Variants in PIBF1 observed in about 807,000 individuals in gnomAD.
PIBF1 encodes the protein progesterone-induced-blocking factor 1.
Under a neutral mutation model 112.5 loss-of-function variants are expected in PIBF1, and 90 were observed. The observed-to-expected ratio is 0.80, with a 90% CI of 0.67 to 0.95. The LOEUF is 0.95. PIBF1 is among the 40% of genes least tolerant of loss of function. The pLI, the probability that PIBF1 is intolerant of heterozygous loss-of-function variation, is 0.00. For missense variants in PIBF1, 915 were observed against 852.3 expected, an observed-to-expected ratio of 1.07 and a Z score of -0.92; for synonymous variants, 301 against 288.6, an observed-to-expected ratio of 1.04 and a Z score of -0.44.
chr13:72,824,113 A>G (rs1180466410), intron 6 of PIBF1, among the ~76,000 whole-genome samples: 1 of 152,090 alleles, frequency 6.6e-6, no homozygotes, highest in Admixed American at 6.6e-5. Flanking sequence ...TCCCAGGTTC[A>G]AACAATTCTC....
intron 5 of PIBF1, among the ~76,000 whole-genome samples, chr13:72,805,002 A>G (rs1037755931): frequency 8.5e-5 from 13 of 152,072 alleles, no homozygotes; most frequent in Admixed American, 7.2e-4. Context: ...AGCCAGAGTC[A>G]CACTCTTGTC....
Position 72,821,275 on chromosome 13 carries a change from A to G in PIBF1, c.673-574A>G, listed in dbSNP as rs140733665. Reference sequence around the variant, plus strand: ...GGTTTTTACTTCCATTGCTCTTCCCATATCAGCAATGCCTTTCTTAACATG... The same window carrying G: ...GGTTTTTACTTCCATTGCTCTTCCCGTATCAGCAATGCCTTTCTTAACATG... On this transcript the variant is annotated intron_variant, in intron 5 of 17. Coordinates refer to ENST00000326291, the MANE Select transcript of PIBF1 (RefSeq NM_006346.4). 1.4e-4 allele frequency among the ~76,000 whole-genome samples: 21 copies of G among 152,316 alleles called. No homozygotes were observed. In the East Asian group the frequency reaches 3.9e-3, roughly 28 times the overall value.
chr13:72,996,268 T>TAAA (rs374718365), intron 16 of PIBF1, among the ~76,000 whole-genome samples: 39 of 130,846 alleles, frequency 3.0e-4, no homozygotes, highest in African/African-American at 9.5e-4. Flanking sequence ...TTCAATATAT[T>TAAA]AAAAAAAAAA....
intron 2 of PIBF1, among the ~76,000 whole-genome samples, 183 bp downstream of exon 2, chr13:72,783,904 C>A (rs1566262892): frequency 6.6e-6 from 1 of 151,436 alleles, no homozygotes; most frequent in East Asian, 1.9e-4. Flanking sequence ...TTACCAAGGG[C>A]TGGCATGGTT....
rs41286070 is a variant in PIBF1 at position 72,998,910 on chromosome 13, A to C, written c.2138A>C (p.His713Pro). 6,692 of 1,611,918 alleles carry C rather than the reference A, an allele frequency of 4.2e-3. 12 individuals carry two copies. Among genetic ancestry groups the C allele is most frequent in the Non-Finnish European group, 5.2e-3 (6,158 of 1,178,278 alleles). Residue 713 changes from histidine to proline, a missense_variant, in exon 17 of 18, where the codon CAT becomes CCT. Physicochemically the swap from His to Pro is moderately conservative, Grantham distance 77. Coordinates refer to ENST00000326291, the MANE Select transcript of PIBF1 (RefSeq NM_006346.4). ...CTTCTCACTAAAACAGAACCAAAAC[A>C]TGTGACAGAAAATCAGAAATCAAAG... Reference protein sequence around the residue: ...SLLLTKTEPKHVTENQKSKTL... With the variant: ...SLLLTKTEPKPVTENQKSKTL...
intron 16 of PIBF1, among the ~76,000 whole-genome samples, chr13:72,982,676 T>A (rs1016952040): frequency 1.3e-5 from 2 of 152,214 alleles, no homozygotes; most frequent in Non-Finnish European, 2.9e-5. Context: ...CAGATGTTTC[T>A]TAAACTAATT....
intron 2 of PIBF1, among the ~76,000 whole-genome samples, chr13:72,790,595 T>A (rs979270899): frequency 5.3e-5 from 8 of 151,890 alleles, no homozygotes; most frequent in African/African-American, 1.9e-4. Context: ...CCTAAAGCCA[T>A]GGGATTGTAT....
chr13:72,812,108 C>T (rs1197662544), intron 5 of PIBF1, among the ~76,000 whole-genome samples: 1 of 151,986 alleles, frequency 6.6e-6, no homozygotes, highest in Admixed American at 6.6e-5. Context: ...AAGGATGTAT[C>T]ACTACATGAT....
chr13:72,791,179 C>T (rs918245423), intron 2 of PIBF1, among the ~76,000 whole-genome samples: 4 of 151,744 alleles, frequency 2.6e-5, no homozygotes, highest in African/African-American at 7.3e-5. Flanking sequence ...CTCAGCCTCC[C>T]GAGTAGCTGG....
chr13:72,892,742 T>G (rs2040103682), intron 10 of PIBF1, among the ~76,000 whole-genome samples: 1 of 150,568 alleles, frequency 6.6e-6, no homozygotes, highest in Non-Finnish European at 1.5e-5. Context: ...AACTCACATT[T>G]CTTCTCCCTA....
chr13:72,941,968 G>T (rs1263264245), intron 14 of PIBF1, among the ~76,000 whole-genome samples: 1 of 152,132 alleles, frequency 6.6e-6, no homozygotes, highest in Non-Finnish European at 1.5e-5. Flanking sequence ...ACTAGTCATG[G>T]ATTAGCAATA....
chr13:72,947,994 C>T (rs1192587780), intron 14 of PIBF1, among the ~76,000 whole-genome samples: 1 of 152,006 alleles, frequency 6.6e-6, no homozygotes, highest in Non-Finnish European at 1.5e-5. Context: ...AACCAAACAC[C>T]ACGTGTTCTC....
At chr13:72,978,045 A>G (rs2043066695) in intron 16 of PIBF1, among the ~76,000 whole-genome samples, 1 of 152,200 alleles carries the variant, frequency 6.6e-6, no homozygotes, top group African/African-American at 2.4e-5. Flanking sequence ...CATAAATTGA[A>G]TTGAGAGCTT....
chr13:72,952,648 T>G (rs199897893), intron 14 of PIBF1, among the ~76,000 whole-genome samples: 1 of 137,524 alleles, frequency 7.3e-6, no homozygotes, highest in African/African-American at 2.7e-5. Context: ...TTTTTTTTTT[T>G]AGTTTTTTTT....
chr13:72,891,596 G>A (rs9543162), intron 10 of PIBF1, among the ~76,000 whole-genome samples: 15,581 of 151,992 alleles, frequency 0.1, 1,089 homozygotes, highest in Non-Finnish European at 0.15. Flanking sequence ...TGGCACCCTC[G>A]TTACTGCTGA....
chr13:72,985,874 G>A (rs1306188572), intron 16 of PIBF1, among the ~76,000 whole-genome samples: 1 of 152,256 alleles, frequency 6.6e-6, no homozygotes, highest in East Asian at 1.9e-4. Context: ...CCAGGGTCCA[G>A]CACAGTGGGT....
rs180778457 is a variant in PIBF1, at chr13:72,990,412, T to G, written c.2050-8410T>G. 3.5e-3 allele frequency among the ~76,000 whole-genome samples: 528 copies of G among 150,008 alleles called. 2 individuals are homozygous for G. Among genetic ancestry groups the G allele is most frequent in the African/African-American group, 0.012 (499 of 40,578 alleles). ...GGTGTGCACCTGTAGTCCCAGCTAC[T>G]CAGGAGGCTGAGGCAGGAGAATCGC... On this transcript the variant is annotated intron_variant, in intron 16 of 17. Transcript: ENST00000326291.
At chr13:72,900,602 A>T (rs1041081783) in intron 11 of PIBF1, among the ~76,000 whole-genome samples, 3 of 152,250 alleles carry the variant, frequency 2.0e-5, no homozygotes, top group African/African-American at 7.2e-5. Context: ...AGTCAACTCA[A>T]GATGGATAAA....
chr13:72,991,053 C>A (rs546846194), intron 16 of PIBF1, among the ~76,000 whole-genome samples: 1 of 152,172 alleles, frequency 6.6e-6, no homozygotes, highest in South Asian at 2.1e-4. Context: ...AAGCTATTTT[C>A]ATCAAGAAAT....
Sources: allele counts gnomAD v4.1 joint callset (sites outside exome capture counted in the v4.1 genomes callset), GRCh38; gene constraint gnomAD v4.1.1; transcripts MANE v1.5; gene names NCBI Gene and HGNC (gene_info 2026-07-23, HGNC 2026-07-21).